MTOR: variants seen among roughly 807,000 people sequenced by gnomAD.
The protein encoded by MTOR is serine/threonine-protein kinase mTOR.
MTOR carries 70 observed loss-of-function variants against 319.8 expected under a neutral mutation model. The observed-to-expected ratio is 0.22, with a 90% CI of 0.18 to 0.27. The LOEUF (loss-of-function observed/expected upper bound fraction) is 0.27. Ranked by LOEUF, MTOR falls within the 10% of genes least tolerant of loss-of-function variation. The probability of loss-of-function intolerance (pLI) is 1.00; values close to 1 mark genes in which losing one functional copy is unlikely to be tolerated. For synonymous variants in MTOR, 1,183 were observed against 1,211.4 expected, an observed-to-expected ratio of 0.98 and a Z score of 0.49; for missense variants, 1,890 against 3,274.4, an observed-to-expected ratio of 0.58 and a Z score of 10.32.
rs759106182 is a variant in MTOR, at chr1:11,146,754, G to T, written c.4608C>A (p.Ile1536=). Residue 1536 remains isoleucine, a synonymous_variant, in exon 32 of 58, where the codon ATC becomes ATA. Coordinates refer to ENST00000361445, the MANE Select transcript of MTOR (RefSeq NM_004958.4). ...ATGCCCCATCATGGGTGTCCCGAGGGATCATACAGGTGTATTCTTCCATGC... is the reference window on the plus strand; with the variant it reads ...ATGCCCCATCATGGGTGTCCCGAGGTATCATACAGGTGTATTCTTCCATGC... The part of the protein sequence containing the change: ...WDSMEEYTCM[I]PRDTHDGAFY... 6.2e-7 allele frequency: 1 copy of T among 1,613,938 alleles called. No homozygotes were observed. The highest frequency in any genetic ancestry group is 1.3e-5 in the African/African-American group (1 of 74,894).
At position 11,130,339 on chromosome 1, in the gene MTOR, T is replaced by C. The variant is rs372498666; in HGVS notation, c.5613+190A>G. Among the ~76,000 whole-genome samples, 16 of 152,208 alleles carry C rather than the reference T, an allele frequency of 1.1e-4. 1 individual carries two copies. In the East Asian group the frequency reaches 1.7e-3, roughly 17 times the overall value. ...TCTTCAGCATAGAGGCTGCGTCAGC[T>C]CCCCAAACACAAATATTCACACACA... On this transcript the variant is annotated intron_variant, in intron 39 of 57. Transcript: ENST00000361445.
chr1:11,118,504 G>C (rs1642313906), intron 49 of MTOR, among the ~76,000 whole-genome samples: 1 of 150,836 alleles, frequency 6.6e-6, no homozygotes, highest in Admixed American at 6.6e-5. Context: ...TAAAGTGCTG[G>C]GATTACAGGC....
intron 19 of MTOR, among the ~76,000 whole-genome samples, chr1:11,226,585 G>C (rs984071851): frequency 2.6e-5 from 4 of 152,158 alleles, no homozygotes; most frequent in Non-Finnish European, 2.9e-5. Flanking sequence ...GAGCCCAGGA[G>C]TTTGATACCA....
At chr1:11,262,012 AC>A (rs1468680213) in intron 1 of MTOR, among the ~76,000 whole-genome samples, 1 of 152,132 alleles carries the variant, frequency 6.6e-6, no homozygotes, top group Non-Finnish European at 1.5e-5. Flanking sequence ...GAGAAGATGT[AC>A]CCCAACGATG....
intron 26 of MTOR, among the ~76,000 whole-genome samples, chr1:11,202,881 C>G (rs908934020): frequency 6.6e-6 from 1 of 151,738 alleles, no homozygotes; most frequent in Admixed American, 6.6e-5. Context: ...GCACTCCAGC[C>G]CGGGCAGCAG....
chr1:11,123,049 G>A (rs1642626209), intron 47 of MTOR, among the ~76,000 whole-genome samples: 1 of 151,938 alleles, frequency 6.6e-6, no homozygotes, highest in African/African-American at 2.4e-5. Flanking sequence ...GAATACGGAC[G>A]ATGGGAAAGG....
intron 28 of MTOR, among the ~76,000 whole-genome samples, chr1:11,182,079 T>A (rs1476489844): frequency 1.3e-5 from 2 of 152,114 alleles, no homozygotes; most frequent in Non-Finnish European, 2.9e-5. Context: ...TAGCAAGGCA[T>A]GGCAGTGCAT....
chr1:11,173,430 C>G (rs1644885668), intron 28 of MTOR, among the ~76,000 whole-genome samples: 1 of 151,984 alleles, frequency 6.6e-6, no homozygotes, highest in South Asian at 2.1e-4. Context: ...GCCTACACCA[C>G]CACACACATT....
rs201093943 is a variant in MTOR, at chr1:11,257,042, C to T, written c.395G>A (p.Arg132His). The T allele has an allele frequency of 9.4e-5, 151 of 1,614,038 alleles. No homozygotes were observed. The highest frequency in any genetic ancestry group is 1.2e-4 in the Non-Finnish European group (143 of 1,180,032). ...AAAAGTGTCCCCTGCCATGGCAAGACGGCCAATGGCCTTGGATGCCATTTC... is the reference window on the plus strand; with the variant it reads ...AAAAGTGTCCCCTGCCATGGCAAGATGGCCAATGGCCTTGGATGCCATTTC... ...VMEMASKAIG[R>H]LAMAGDTFTA... The change falls in exon 4 of 58, where the codon CGT (arginine) becomes CAT (histidine). Residue 132 changes from arginine (R) to histidine (H), a missense_variant. Around this residue, in one of 15 missense-constraint regions of MTOR, gnomAD observed 81 missense variants for 203.6 expected, o/e 0.40. Coordinates refer to ENST00000361445, the MANE Select transcript of MTOR (RefSeq NM_004958.4).
rs181658829 is a variant in MTOR, at chr1:11,184,796, C to T, written c.4253+14462G>A. Reference sequence around the variant, plus strand: ...TACCAAGGCCACTTTCCTGGTGGAACTCAGGAAAACAATGGAACAAGAGGG... The same window carrying T: ...TACCAAGGCCACTTTCCTGGTGGAATTCAGGAAAACAATGGAACAAGAGGG... On this transcript the variant is annotated intron_variant, in intron 28 of 57. Coordinates refer to ENST00000361445, the MANE Select transcript of MTOR (RefSeq NM_004958.4). Among the ~76,000 whole-genome samples, 662 of 152,270 alleles carry T rather than the reference C, an allele frequency of 4.3e-3. 5 individuals carry two copies. The highest frequency in any genetic ancestry group is 5.6e-3 in the Non-Finnish European group (378 of 68,012).
chr1:11,157,013 T>C (rs1219734680), intron 30 of MTOR, 139 bp downstream of exon 30: 3 of 1,132,588 alleles, frequency 2.6e-6, no homozygotes, highest in East Asian at 2.5e-5. Flanking sequence ...AAGTGAAAGA[T>C]GATTCCTGAG....
rs952642544 is a variant in MTOR at position 11,164,424 on chromosome 1, T to A, written c.4329+3018A>T. Among the ~76,000 whole-genome samples, 3 of 146,030 alleles carry A rather than the reference T, an allele frequency of 2.1e-5. No individual in the cohort carries two copies. The Admixed American group carries it at 2.1e-4, about 10-fold the overall frequency. ...ATGATAAAGGGGATATCACCACCGA[T>A]CCCACAGAAATACAAACTACCATCA... On this transcript the variant is annotated intron_variant, in intron 29 of 57. Transcript: ENST00000361445.
intron 10 of MTOR, 91 bp downstream of exon 10, chr1:11,241,462 C>T: frequency 6.8e-7 from 1 of 1,462,946 alleles, no homozygotes; most frequent in East Asian, 2.4e-5. Flanking sequence ...GTTGAATGTG[C>T]AAACAACCAT....
rs1326881059 is a variant in MTOR at position 11,259,272 on chromosome 1, G to C, written c.138C>G (p.His46Gln). 1.2e-6 allele frequency: 2 copies of C among 1,614,006 alleles called. No homozygotes were observed. The highest frequency in any genetic ancestry group is 2.2e-5 in the East Asian group (1 of 44,856). The change falls in exon 2 of 58, where the codon CAC becomes CAG. Residue 46 changes from histidine (H) to glutamine (Q), a missense_variant. Around this residue, in one of 15 missense-constraint regions of MTOR, gnomAD observed 85 missense variants for 105.8 expected, o/e 0.80. Transcript: ENST00000361445. Reference sequence around the variant, plus strand: ...CCTCTCGGAGTTCCATGGTGACATAGTGCTGGAGCTCCTTGGCGGCTTTGG... The same window carrying C: ...CCTCTCGGAGTTCCATGGTGACATACTGCTGGAGCTCCTTGGCGGCTTTGG... ...TRAKAAKELQHYVTMELREMS... is the reference protein window; with the variant it reads ...TRAKAAKELQQYVTMELREMS...
chr1:11,127,408 A>G lies in MTOR; in HGVS notation c.6216+216T>C, dbSNP rs1193524557. Among the ~76,000 whole-genome samples, 9 of 152,216 alleles carry G rather than the reference A, an allele frequency of 5.9e-5. No individual in the cohort carries two copies. The highest frequency in any genetic ancestry group is 1.0e-4 in the Non-Finnish European group (7 of 68,034). ...TCTTGGGCTTTTCCAGTTAAAATTCAGAAGGGTCCCTGTAACTAATTTCTG... is the reference window on the plus strand; with the variant it reads ...TCTTGGGCTTTTCCAGTTAAAATTCGGAAGGGTCCCTGTAACTAATTTCTG... On this transcript the variant is annotated intron_variant, in intron 44 of 57. Transcript: ENST00000361445. The surrounding 1 kb of genome is among the most constrained non-coding windows in gnomAD (Gnocchi z 5.5).
chr1:11,107,435 A>G lies in MTOR; in HGVS notation c.*50T>C, dbSNP rs1483670157. ...TTTCAGTTTAGTGGAAGCATTTACT[A>G]AAGTACAAAAGCCTCAGAAAAAACG... is the stretch of plus-strand genomic sequence containing the variant. On this transcript the variant is annotated 3_prime_UTR_variant, in exon 58 of 58. Coordinates refer to ENST00000361445, the MANE Select transcript of MTOR (RefSeq NM_004958.4). 7 of 1,590,866 alleles carry G rather than the reference A, an allele frequency of 4.4e-6. No homozygotes were observed. The highest frequency in any genetic ancestry group is 2.7e-5 in the African/African-American group (2 of 73,156).
chr1:11,134,614 A>G, intron 36 of MTOR, 148 bp from the exon 37 acceptor site: 1 of 621,814 alleles, frequency 1.6e-6, no homozygotes, highest in Non-Finnish European at 2.9e-6. Flanking sequence ...AGGACAGAGG[A>G]CCAGGGCGTG....
intron 30 of MTOR, among the ~76,000 whole-genome samples, chr1:11,152,754 A>G (rs1274386694): frequency 6.6e-6 from 1 of 152,234 alleles, no homozygotes; most frequent in Non-Finnish European, 1.5e-5. Flanking sequence ...CCTCAGGCAT[A>G]TTCAGGATAT....
At chr1:11,218,883 T>C (rs1646566069) in intron 19 of MTOR, among the ~76,000 whole-genome samples, 1 of 152,030 alleles carries the variant, frequency 6.6e-6, no homozygotes, top group African/African-American at 2.4e-5. Flanking sequence ...TAAAATTAAG[T>C]ACAAAAATAT....
Sources: allele counts gnomAD v4.1 joint callset (sites outside exome capture counted in the v4.1 genomes callset), GRCh38; gene constraint gnomAD v4.1.1; regional missense constraint gnomAD v4.1.1; non-coding constraint Gnocchi (gnomAD v3.1); transcripts MANE v1.5; gene names NCBI Gene and HGNC (gene_info 2026-07-23, HGNC 2026-07-21).